The following RMST variants were observed in gnomAD, a reference collection of about 807,000 sequenced individuals.
RMST encodes the protein rhabdomyosarcoma 2 associated transcript, also known as long intergenic non-protein coding RNA 54.
intron 5 of RMST, among the ~76,000 whole-genome samples, chr12:97,481,473 C>T (rs984383263): frequency 6.6e-6 from 1 of 152,020 alleles, no homozygotes; most frequent in African/African-American, 2.4e-5. Context: ...CCAGGGTGGC[C>T]AGTTACCATG....
chr12:97,471,416 A>G (rs1873897784), intron 5 of RMST, among the ~76,000 whole-genome samples: 1 of 152,124 alleles, frequency 6.6e-6, no homozygotes, highest in African/African-American at 2.4e-5. Flanking sequence ...AGTGGAGATA[A>G]GTGAGCATAA....
intron 11 of RMST, among the ~76,000 whole-genome samples, chr12:97,536,089 T>C (rs927393661): frequency 1.3e-5 from 2 of 151,696 alleles, no homozygotes; most frequent in South Asian, 4.1e-4. Flanking sequence ...GTGAGCAGTT[T>C]GACAACCTGT....
chr12:97,496,708 T>C (rs775847236), intron 10 of RMST, among the ~76,000 whole-genome samples: 7 of 152,166 alleles, frequency 4.6e-5, no homozygotes, highest in East Asian at 1.9e-4. Context: ...CACATGAAGC[T>C]TGGGGACAGA....
At chr12:97,496,840 C>T (rs1234638449) in intron 10 of RMST, among the ~76,000 whole-genome samples, 1 of 152,154 alleles carries the variant, frequency 6.6e-6, no homozygotes, top group Non-Finnish European at 1.5e-5. Context: ...TTTGCATTGA[C>T]ATTGAATGCA....
At chr12:97,465,370 C>G (rs1179382757) in intron 4 of RMST, among the ~76,000 whole-genome samples, 1 of 152,160 alleles carries the variant, frequency 6.6e-6, no homozygotes, top group Non-Finnish European at 1.5e-5. Context: ...GGTCTCTAGG[C>G]TTCCTTGTCT....
intron 8 of RMST, among the ~76,000 whole-genome samples, chr12:97,494,520 A>C (rs1225083610): frequency 6.6e-6 from 1 of 152,186 alleles, no homozygotes; most frequent in Non-Finnish European, 1.5e-5. Flanking sequence ...ACTGTACTCC[A>C]GCCTGGGTAA....
chr12:97,502,701 T>A (rs1193991375), intron 10 of RMST, among the ~76,000 whole-genome samples: 1 of 152,000 alleles, frequency 6.6e-6, no homozygotes, highest in Non-Finnish European at 1.5e-5. Context: ...TGGGCTCAAA[T>A]GATCCACCCA....
At chr12:97,480,094 T>C (rs57501608) in intron 5 of RMST, among the ~76,000 whole-genome samples, 10,777 of 117,480 alleles carry the variant, frequency 0.092, 600 homozygotes, top group Middle Eastern at 0.19. Context: ...TTTTTCTTTT[T>C]TTTTCTTTTT....
intron 11 of RMST, among the ~76,000 whole-genome samples, chr12:97,559,401 G>A (rs1322311237): frequency 6.6e-6 from 1 of 152,176 alleles, no homozygotes; most frequent in African/African-American, 2.4e-5. Context: ...CTGTGCTTCT[G>A]TGATGTACTG....
intron 11 of RMST, among the ~76,000 whole-genome samples, chr12:97,551,171 T>TTAAA (rs1229638367): frequency 1.5e-5 from 2 of 132,322 alleles, no homozygotes; most frequent in African/African-American, 2.7e-5. Context: ...TCATTGTTTT[T>TTAAA]AAAAAAAAAA....
At chr12:97,533,855 G>A (rs1881869040) in intron 11 of RMST, 1 of 151,808 alleles carries the variant, frequency 6.6e-6, no homozygotes, top group Non-Finnish European at 1.5e-5. Context: ...TAAAAATTAA[G>A]AAGCCTGAGG....
intron 4 of RMST, among the ~76,000 whole-genome samples, chr12:97,463,890 TGAG>T (rs1439861347): frequency 6.6e-5 from 10 of 152,134 alleles, no homozygotes; most frequent in Non-Finnish European, 1.0e-4. Flanking sequence ...TTTTTAATGA[TGAG>T]GAGAAATTGA....
intron 10 of RMST, among the ~76,000 whole-genome samples, chr12:97,519,266 T>TTGAC (rs1880265964): frequency 6.6e-6 from 1 of 152,174 alleles, no homozygotes; most frequent in Non-Finnish European, 1.5e-5. Context: ...TGTTGGTTGG[T>TTGAC]TGACTGAGTG....
At chr12:97,504,255 T>C (rs540322559) in intron 10 of RMST, among the ~76,000 whole-genome samples, 1 of 152,118 alleles carries the variant, frequency 6.6e-6, no homozygotes, top group East Asian at 1.9e-4. Flanking sequence ...AATACAAAAA[T>C]TAGCCAGGCC....
intron 10 of RMST, among the ~76,000 whole-genome samples, chr12:97,511,234 C>T (rs529764387): frequency 2.0e-5 from 3 of 151,790 alleles, no homozygotes; most frequent in South Asian, 2.1e-4. Context: ...CTGCAACCTC[C>T]GTCTCCTGGG....
intron 5 of RMST, among the ~76,000 whole-genome samples, chr12:97,484,149 A>T (rs1177433785): frequency 6.6e-6 from 1 of 152,164 alleles, no homozygotes; most frequent in African/African-American, 2.4e-5. Context: ...GGCGTTGTAG[A>T]GTTTTATAGC....
chr12:97,549,173 A>C (rs1289439502), intron 11 of RMST, among the ~76,000 whole-genome samples: 1 of 152,206 alleles, frequency 6.6e-6, no homozygotes, highest in Non-Finnish European at 1.5e-5. Flanking sequence ...AAGAAGTTGA[A>C]ATCTCCTTAA....
intron 5 of RMST, among the ~76,000 whole-genome samples, chr12:97,482,355 A>G (rs1424177399): frequency 1.3e-5 from 2 of 152,132 alleles, no homozygotes; most frequent in Non-Finnish European, 2.9e-5. Flanking sequence ...TGTTCCAGTA[A>G]AACTTTATTG....
rs148292194 is a variant in RMST, at chr12:97,499,537, T to A, written n.1340+3481T>A. ...TATCAGAGGTGGAAATAGAAGGCTC[T>A]GCCCATAGTATTGTAAAAATCAAAT... On this transcript the variant is annotated intron_variant and non_coding_transcript_variant, in intron 10 of 13. Transcript: ENST00000640149. 6.3e-3 allele frequency among the ~76,000 whole-genome samples: 959 copies of A among 152,336 alleles called. 5 individuals are homozygous for A. Among genetic ancestry groups the A allele is most frequent in the African/African-American group, 0.022 (896 of 41,578 alleles).
Sources: gnomAD v4.1 joint callset for allele counts (sites outside exome capture counted in the v4.1 genomes callset) on GRCh38, gnomAD v4.1.1 for gene constraint, MANE v1.5 for transcripts, NCBI Gene and HGNC (gene_info 2026-07-23, HGNC 2026-07-21) for gene names.